Variants in NAV3 observed in about 807,000 individuals in gnomAD.
NAV3 encodes the protein pore membrane and/or filament interacting like protein 1.
A neutral mutation model predicts 244.7 loss-of-function variants in NAV3; 87 were observed. The ratio of observed to expected loss-of-function variants is 0.36; its 90% confidence interval spans 0.30 to 0.42. The LOEUF (loss-of-function observed/expected upper bound fraction) is 0.42. Among genes scored for constraint, NAV3 ranks in the 20% least tolerant of loss-of-function variants. The pLI is 1.00. For missense variants in NAV3, 2,663 were observed against 2,893.3 expected, an observed-to-expected ratio of 0.92 and a Z score of 1.83; for synonymous variants, 1,126 against 1,042.2, an observed-to-expected ratio of 1.08 and a Z score of -1.55.
intron 3 of NAV3, among the ~76,000 whole-genome samples, chr12:77,958,486 A>G (rs564148576): frequency 1.3e-4 from 20 of 152,170 alleles, no homozygotes; most frequent in Non-Finnish European, 2.5e-4. Flanking sequence ...AATATGGACC[A>G]ATTTCTATTA....
intron 1 of NAV3, among the ~76,000 whole-genome samples, chr12:77,913,844 T>A (rs1216739525): frequency 6.6e-6 from 1 of 152,172 alleles, no homozygotes; most frequent in Admixed American, 6.6e-5. Flanking sequence ...TCCTTAATTA[T>A]GTTTCCCTTC....
intron 9 of NAV3, among the ~76,000 whole-genome samples, chr12:78,044,777 T>G (rs371075637): frequency 6.6e-6 from 1 of 152,212 alleles, no homozygotes; most frequent in Admixed American, 6.5e-5. Flanking sequence ...CGCATGTTGA[T>G]TTTGTATCCT....
At chr12:78,081,755 G>T (rs1278698036) in intron 12 of NAV3, among the ~76,000 whole-genome samples, 2 of 152,096 alleles carry the variant, frequency 1.3e-5, no homozygotes, top group Non-Finnish European at 2.9e-5. Flanking sequence ...TGGAGTTAAG[G>T]CTCCTCAGTG....
intron 23 of NAV3, 89 bp from the exon 24 acceptor site, chr12:78,168,666 A>C (rs1260357006): frequency 2.5e-6 from 2 of 815,588 alleles, no homozygotes; most frequent in Non-Finnish European, 3.8e-6. Flanking sequence ...GTTACTACAT[A>C]AAATCAAACC....
chr12:78,071,144 G>A (rs1952743056), intron 12 of NAV3, among the ~76,000 whole-genome samples: 1 of 152,240 alleles, frequency 6.6e-6, no homozygotes, highest in Non-Finnish European at 1.5e-5. Flanking sequence ...TTCCACAATG[G>A]TTGAACTAGT....
rs1480510108 is a variant in NAV3 at position 78,128,787 on chromosome 12, C to T, written c.4362C>T (p.Asp1454=). 1.2e-6 allele frequency: 2 copies of T among 1,614,100 alleles called. No homozygotes were observed. The highest frequency in any genetic ancestry group is 1.7e-6 in the Non-Finnish European group (2 of 1,179,978). ...LRSHSTGGLQ[D]TGNQSPLVSP... The stretch of plus-strand genomic sequence containing the variant: ...CTCATTCTACTGGAGGGCTTCAGGA[C>T]ACTGGCAACCAGTCACCTCTGGTTT... Residue 1454 remains aspartate (D), a synonymous_variant, in exon 18 of 40, where the codon GAC becomes GAT. Coordinates refer to ENST00000397909, the MANE Select transcript of NAV3 (RefSeq NM_001024383.2).
intron 2 of NAV3, among the ~76,000 whole-genome samples, chr12:77,602,766 C>A (rs190299234): frequency 1.6e-4 from 24 of 152,092 alleles, no homozygotes; most frequent in African/African-American, 5.8e-4. Flanking sequence ...AGTGAGTCCA[C>A]TCTCAGCCTC....
rs189146568 is a variant in NAV3, at chr12:77,855,383, A to G, written c.243+23679A>G. Among the ~76,000 whole-genome samples, 2 of 152,196 alleles carry G rather than the reference A, an allele frequency of 1.3e-5. 1 individual carries two copies. The highest frequency in any genetic ancestry group is 4.8e-5 in the African/African-American group (2 of 41,454). ...TTGGCTTCCCACTTAACATTGTTACAAAATGAAAGAAGGTCAGTTTGACAG... is the reference window on the plus strand; with the variant it reads ...TTGGCTTCCCACTTAACATTGTTACGAAATGAAAGAAGGTCAGTTTGACAG... On this transcript the variant is annotated intron_variant, in intron 1 of 39. Transcript: ENST00000397909.
intron 2 of NAV3, among the ~76,000 whole-genome samples, chr12:77,659,426 G>T (rs1873313979): frequency 2.0e-5 from 3 of 152,182 alleles, no homozygotes; most frequent in Admixed American, 6.5e-5. Flanking sequence ...TCTCACACCA[G>T]TTAGAATGGT....
chr12:78,075,642 T>G (rs1318933540), intron 12 of NAV3, among the ~76,000 whole-genome samples: 1 of 151,990 alleles, frequency 6.6e-6, no homozygotes, highest in Non-Finnish European at 1.5e-5. Flanking sequence ...GAAAAGAGAG[T>G]ATGAGATTTT....
intron 1 of NAV3, among the ~76,000 whole-genome samples, chr12:77,848,287 G>A (rs1876965054): frequency 6.6e-6 from 1 of 152,158 alleles, no homozygotes; most frequent in Non-Finnish European, 1.5e-5. Context: ...AATGACTGTG[G>A]TTTCTTTTTG....
intron 2 of NAV3, among the ~76,000 whole-genome samples, chr12:77,817,496 G>C (rs962403190): frequency 1.4e-5 from 2 of 143,560 alleles, no homozygotes; most frequent in African/African-American, 2.5e-5. Flanking sequence ...TGATTAAAAT[G>C]CTCTGCCAAG....
chr12:77,848,656 T>C (rs1256676967), intron 1 of NAV3, among the ~76,000 whole-genome samples: 1 of 152,224 alleles, frequency 6.6e-6, no homozygotes, highest in Non-Finnish European at 1.5e-5. Flanking sequence ...TCATATCATT[T>C]TTAATACAGC....
intron 12 of NAV3, among the ~76,000 whole-genome samples, chr12:78,088,213 C>T (rs1378065835): frequency 6.6e-6 from 1 of 151,676 alleles, no homozygotes; most frequent in East Asian, 1.9e-4. Flanking sequence ...ATATAAAATA[C>T]ATTAAAATCA....
intron 2 of NAV3, among the ~76,000 whole-genome samples, chr12:77,790,018 C>G (rs1308357866): frequency 6.6e-6 from 1 of 152,078 alleles, no homozygotes; most frequent in Non-Finnish European, 1.5e-5. Flanking sequence ...GGTGAGCACC[C>G]AGTAACCTTT....
At chr12:77,939,235 C>A (rs968028232) in intron 1 of NAV3, among the ~76,000 whole-genome samples, 1 of 152,116 alleles carries the variant, frequency 6.6e-6, no homozygotes. Flanking sequence ...GACATTCTGC[C>A]TCAATTACAG....
At chr12:78,113,626 CA>C (rs1955218941) in intron 12 of NAV3, among the ~76,000 whole-genome samples, 1 of 152,132 alleles carries the variant, frequency 6.6e-6, no homozygotes, top group African/African-American at 2.4e-5. Context: ...GTGCATACAG[CA>C]GGGGGGCCCT....
intron 2 of NAV3, among the ~76,000 whole-genome samples, chr12:77,667,983 G>A (rs1365029747): frequency 6.6e-6 from 1 of 152,192 alleles, no homozygotes. Flanking sequence ...GTTCTTTGCA[G>A]ACACTCCCCA....
intron 2 of NAV3, among the ~76,000 whole-genome samples, chr12:77,672,068 A>G (rs1305063942): frequency 6.6e-6 from 1 of 152,110 alleles, no homozygotes. Context: ...AGAAACAAAC[A>G]AGCAATCCCA....
Sources: allele counts gnomAD v4.1 joint callset (sites outside exome capture counted in the v4.1 genomes callset), GRCh38; gene constraint gnomAD v4.1.1; transcripts MANE v1.5; gene names NCBI Gene and HGNC (gene_info 2026-07-23, HGNC 2026-07-21).